ATRNL1: variants seen among roughly 807,000 people sequenced by gnomAD.
The protein encoded by ATRNL1 is attractin-like protein 1.
A neutral mutation model predicts 182.7 loss-of-function variants in ATRNL1; 95 were observed. That is an observed-to-expected ratio of 0.52 (90% CI 0.44 to 0.62). The LOEUF (loss-of-function observed/expected upper bound fraction) is 0.62. Among genes scored for constraint, ATRNL1 ranks in the 20% least tolerant of loss-of-function variants. ATRNL1 has a pLI of 0.00. For missense variants in ATRNL1, 1,471 were observed against 1,679.5 expected (o/e 0.88, Z 2.17); for synonymous variants, 576 against 568.3 (o/e 1.01, Z -0.19).
At chr10:115,170,500 T>C (rs1847245743) in intron 7 of ATRNL1, among the ~76,000 whole-genome samples, 1 of 151,716 alleles carries the variant, frequency 6.6e-6, no homozygotes, top group South Asian at 2.1e-4. Context: ...AAATGTGATA[T>C]GTCTTTTTGG....
intron 21 of ATRNL1, among the ~76,000 whole-genome samples, chr10:115,440,805 G>A (rs1281915482): frequency 6.6e-6 from 1 of 151,822 alleles, no homozygotes; most frequent in East Asian, 1.9e-4. Context: ...TGTGTTGACT[G>A]TTTGGTCTTG....
chr10:115,823,353 T>G (rs1188155599), intron 27 of ATRNL1, among the ~76,000 whole-genome samples: 1 of 152,178 alleles, frequency 6.6e-6, no homozygotes, highest in African/African-American at 2.4e-5. Flanking sequence ...AAGCATTCCC[T>G]TTGAAAACTG....
At chr10:115,917,248 C>T (rs1178334053) in intron 28 of ATRNL1, among the ~76,000 whole-genome samples, 2 of 151,858 alleles carry the variant, frequency 1.3e-5, no homozygotes, top group African/African-American at 4.8e-5. Flanking sequence ...AGGTGGATCA[C>T]GAGGTCAGGA....
chr10:115,631,132 A>G (rs186004305), intron 26 of ATRNL1, among the ~76,000 whole-genome samples: 6 of 152,102 alleles, frequency 3.9e-5, no homozygotes, highest in African/African-American at 7.2e-5. Context: ...TAGAATGACT[A>G]TATTCTAGAG....
intron 24 of ATRNL1, among the ~76,000 whole-genome samples, chr10:115,484,594 T>C (rs1304408090): frequency 3.3e-5 from 5 of 151,750 alleles, no homozygotes; most frequent in Admixed American, 6.6e-5. Flanking sequence ...ACACCACTCA[T>C]TGGGCAAATG....
At chr10:115,797,154 T>C (rs1949672749) in intron 27 of ATRNL1, among the ~76,000 whole-genome samples, 2 of 152,210 alleles carry the variant, frequency 1.3e-5, no homozygotes, top group African/African-American at 4.8e-5. Context: ...TTTATTTGTG[T>C]CTTTTCTGGG....
At chr10:115,209,699 A>T (rs1848947176) in intron 8 of ATRNL1, among the ~76,000 whole-genome samples, 1 of 151,926 alleles carries the variant, frequency 6.6e-6, no homozygotes, top group Admixed American at 6.6e-5. Flanking sequence ...GCATATGCAA[A>T]TAACAACAGA....
chr10:115,743,985 A>G (rs1449882832), intron 27 of ATRNL1, among the ~76,000 whole-genome samples: 1 of 87,732 alleles, frequency 1.1e-5, no homozygotes, highest in Non-Finnish European at 2.4e-5. Context: ...ATAAATGAAT[A>G]TGTATTCAAC....
At chr10:115,389,062 A>G (rs1554953430) in intron 19 of ATRNL1, among the ~76,000 whole-genome samples, 1 of 152,046 alleles carries the variant, frequency 6.6e-6, no homozygotes, top group East Asian at 1.9e-4. Context: ...TTCCCCTTCC[A>G]TCGCTCCTAA....
intron 26 of ATRNL1, among the ~76,000 whole-genome samples, chr10:115,605,672 A>G (rs12247972): frequency 0.011 from 1,652 of 152,100 alleles, 27 homozygotes; most frequent in African/African-American, 0.037. Flanking sequence ...TTATACAACA[A>G]TGAATAATTA....
intron 8 of ATRNL1, among the ~76,000 whole-genome samples, chr10:115,186,144 A>G (rs1463652159): frequency 1.3e-5 from 2 of 152,064 alleles, no homozygotes; most frequent in Admixed American, 1.3e-4. Context: ...ACTTAAAACA[A>G]CCCGATTAAA....
intron 14 of ATRNL1, among the ~76,000 whole-genome samples, chr10:115,282,712 ATG>A (rs1339283212): frequency 6.6e-6 from 1 of 151,956 alleles, no homozygotes; most frequent in African/African-American, 2.4e-5. Flanking sequence ...GCTCAAAATT[ATG>A]TGACTTGTAA....
chr10:115,494,093 T>G (rs903683158), intron 24 of ATRNL1, among the ~76,000 whole-genome samples: 1 of 152,168 alleles, frequency 6.6e-6, no homozygotes, highest in Non-Finnish European at 1.5e-5. Flanking sequence ...GATAGTTTCT[T>G]TTGTTGGAAG....
chr10:115,429,368 C>A (rs957680105), intron 21 of ATRNL1, among the ~76,000 whole-genome samples: 3 of 151,850 alleles, frequency 2.0e-5, no homozygotes, highest in African/African-American at 7.3e-5. Flanking sequence ...AATTTTCTTC[C>A]TTTTTCAATA....
rs1848796073 is a variant in ATRNL1, at chr10:115,482,078, A to G, written c.3654+12749A>G. 2.0e-5 allele frequency among the ~76,000 whole-genome samples: 3 copies of G among 151,054 alleles called. 1 individual carries two copies. In the East Asian group the frequency reaches 5.8e-4, roughly 29 times the overall value. On this transcript the variant is annotated intron_variant, in intron 24 of 28. Coordinates refer to ENST00000355044, the MANE Select transcript of ATRNL1 (RefSeq NM_207303.4). ...GGATCAAATGAAATATTAATATATAATGACTTAGCATAGCAAATATTTCAG... is the reference window on the plus strand; with the variant it reads ...GGATCAAATGAAATATTAATATATAGTGACTTAGCATAGCAAATATTTCAG...
intron 28 of ATRNL1, among the ~76,000 whole-genome samples, chr10:115,859,970 A>G (rs782156764): frequency 1.7e-4 from 26 of 152,180 alleles, no homozygotes; most frequent in Non-Finnish European, 3.5e-4. Flanking sequence ...TCCACTTTAT[A>G]ATTTGCAAAT....
At chr10:115,270,294 T>TATATATTTGTTTATATATTATATATAA (rs1554912428) in intron 13 of ATRNL1, among the ~76,000 whole-genome samples, 40 of 144,514 alleles carry the variant, frequency 2.8e-4, no homozygotes, top group African/African-American at 6.6e-4. Context: ...AACATTTGTT[T>TATATATTTGTTTATATATTATATATAA]ATATATTTGT....
At chr10:115,776,455 A>G (rs1949128138) in intron 27 of ATRNL1, among the ~76,000 whole-genome samples, 1 of 152,152 alleles carries the variant, frequency 6.6e-6, no homozygotes, top group Non-Finnish European at 1.5e-5. Context: ...TTCTTCTGTT[A>G]AGAGGTGGGG....
chr10:115,735,459 G>A (rs1435132323), intron 27 of ATRNL1, among the ~76,000 whole-genome samples: 2 of 152,072 alleles, frequency 1.3e-5, no homozygotes, highest in Non-Finnish European at 2.9e-5. Flanking sequence ...AGTCCCCGTG[G>A]ATGCCTGAAA....
Sources: gnomAD v4.1 joint callset for allele counts (sites outside exome capture counted in the v4.1 genomes callset) on GRCh38, gnomAD v4.1.1 for gene constraint, MANE v1.5 for transcripts, NCBI Gene and HGNC (gene_info 2026-07-23, HGNC 2026-07-21) for gene names.